USP4: variants seen among roughly 807,000 people sequenced by gnomAD.
The protein encoded by USP4 is ubiquitin carboxyl-terminal hydrolase 4.
In USP4, 72 loss-of-function variants were observed where a neutral mutation model predicts 118.2. The ratio of observed to expected loss-of-function variants is 0.61; its 90% confidence interval spans 0.50 to 0.74. USP4 has a LOEUF of 0.74. Among genes scored for constraint, USP4 ranks in the 30% least tolerant of loss-of-function variants. The pLI, the probability that USP4 is intolerant of heterozygous loss-of-function variation, is 0.00. For missense variants in USP4, 1,037 were observed against 1,185.7 expected (o/e 0.87, Z 1.84); for synonymous variants, 415 against 440.4 (o/e 0.94, Z 0.72).
At chr3:49,300,841 CTT>C (rs2047255910) in intron 10 of USP4, 150 bp from the exon 11 acceptor site, 8 of 678,204 alleles carry the variant, frequency 1.2e-5, no homozygotes, top group Non-Finnish European at 2.0e-5. Flanking sequence ...CAGGACTACT[CTT>C]AGTGTATCAT....
At chr3:49,294,788 C>T (rs1222120529) in intron 13 of USP4, among the ~76,000 whole-genome samples, 190 bp from the exon 14 acceptor site, 1 of 152,190 alleles carries the variant, frequency 6.6e-6, no homozygotes, top group African/African-American at 2.4e-5. Flanking sequence ...GGACCATTGT[C>T]AGCACAATGT....
At chr3:49,300,316 T>C (rs905588162) in intron 11 of USP4, 151 bp downstream of exon 11, 10 of 648,082 alleles carry the variant, frequency 1.5e-5, no homozygotes, top group Non-Finnish European at 2.5e-5. Context: ...TGATATGGGA[T>C]TAGACAAAGG....
At chr3:49,300,745 T>C in intron 10 of USP4, 54 bp from the exon 11 acceptor site, 1 of 1,541,660 alleles carries the variant, frequency 6.5e-7, no homozygotes, top group Non-Finnish European at 8.9e-7. Flanking sequence ...CCCTTGCCCC[T>C]GCATCCAGAA....
At chr3:49,291,777 A>T (rs1431273387) in intron 15 of USP4, among the ~76,000 whole-genome samples, 1 of 151,732 alleles carries the variant, frequency 6.6e-6, no homozygotes, top group Non-Finnish European at 1.5e-5. Flanking sequence ...TCAGGAGTTC[A>T]AGACCAGCCT....
chr3:49,320,913 T>C (rs1427377090), intron 6 of USP4, among the ~76,000 whole-genome samples: 2 of 152,118 alleles, frequency 1.3e-5, no homozygotes, highest in African/African-American at 4.8e-5. Context: ...AGAACCCCAG[T>C]TTTTAGCTGG....
intron 6 of USP4, among the ~76,000 whole-genome samples, chr3:49,320,513 C>T (rs149592817): frequency 1.3e-3 from 197 of 152,288 alleles, no homozygotes; most frequent in South Asian, 5.6e-3. Context: ...ATGATGCAAT[C>T]GTGGCTCACG....
chr3:49,293,482 AAACAACAAC>A (rs202046136), intron 14 of USP4: 2 of 152,082 alleles, frequency 1.3e-5, no homozygotes, highest in Non-Finnish European at 2.9e-5. Context: ...ACAAACAAAC[AAACAACAAC>A]AACAACAACA....
chr3:49,295,874 G>A (rs1228306458), intron 13 of USP4, among the ~76,000 whole-genome samples: 1 of 152,086 alleles, frequency 6.6e-6, no homozygotes, highest in Non-Finnish European at 1.5e-5. Context: ...AGGCCTTGGA[G>A]TGCACCTGCC....
chr3:49,285,237 T>C (rs1195443864), intron 16 of USP4, among the ~76,000 whole-genome samples: 1 of 151,070 alleles, frequency 6.6e-6, no homozygotes, highest in Non-Finnish European at 1.5e-5. Context: ...ACAAAAAAAC[T>C]GACAAAATGG....
At chr3:49,330,591 A>T (rs2047606370) in intron 2 of USP4, among the ~76,000 whole-genome samples, 1 of 151,368 alleles carries the variant, frequency 6.6e-6, no homozygotes, top group South Asian at 2.1e-4. Context: ...TTGGCCTCCC[A>T]AAGTGCTGGG....
intron 10 of USP4, among the ~76,000 whole-genome samples, chr3:49,301,687 C>CA (rs1163096897): frequency 1.3e-5 from 2 of 151,234 alleles, no homozygotes; most frequent in African/African-American, 2.4e-5. Context: ...GACTCCATCT[C>CA]AAAAAAAATA....
intron 2 of USP4, 45 bp downstream of exon 2, chr3:49,335,424 A>G: frequency 6.2e-7 from 1 of 1,613,698 alleles, no homozygotes; most frequent in Non-Finnish European, 8.5e-7. Flanking sequence ...ACATCAGGCC[A>G]CTGCCCAGGT....
intron 11 of USP4, among the ~76,000 whole-genome samples, chr3:49,299,432 G>T (rs1335081972): frequency 3.6e-5 from 5 of 137,008 alleles, no homozygotes; most frequent in African/African-American, 1.4e-4. Context: ...TCGCTCTGTC[G>T]CCCAGGCTGG....
At chr3:49,324,102 G>A (rs1280597473) in intron 6 of USP4, among the ~76,000 whole-genome samples, 1 of 152,152 alleles carries the variant, frequency 6.6e-6, no homozygotes, top group South Asian at 2.1e-4. Flanking sequence ...GGATTCAAGC[G>A]ACTCTTGAGC....
chr3:49,291,129 TAATTTTTTGTATTTTTAGC>T (rs1287988871), intron 15 of USP4, among the ~76,000 whole-genome samples: 1 of 151,772 alleles, frequency 6.6e-6, no homozygotes, highest in Non-Finnish European at 1.5e-5. Context: ...CCACCACGCC[TAATTTTTTGTATTTTTAGC>T]AGAGATGGGG....
chr3:49,301,419 G>A (rs1009309953), intron 10 of USP4, among the ~76,000 whole-genome samples: 9 of 152,142 alleles, frequency 5.9e-5, no homozygotes, highest in South Asian at 2.1e-4. Flanking sequence ...GGGGCACGGT[G>A]GCTGACGCCT....
At chr3:49,280,960 A>T in intron 19 of USP4, 113 bp from the exon 20 acceptor site, 2 of 766,566 alleles carry the variant, frequency 2.6e-6, no homozygotes, top group Non-Finnish European at 4.4e-6. Flanking sequence ...GAGGCACTCA[A>T]ACTATTCGAG....
chr3:49,315,448 G>A (rs1559475049), intron 6 of USP4, among the ~76,000 whole-genome samples: 1 of 152,184 alleles, frequency 6.6e-6, no homozygotes, highest in Non-Finnish European at 1.5e-5. Flanking sequence ...GCAGGGACTT[G>A]TCTCCAGACC....
rs757613703 is a variant in USP4 at position 49,278,447 on chromosome 3, T to G, written c.2738A>C (p.Lys913Thr). The change falls in exon 22 of 22, where the codon AAA becomes ACA. Residue 913 changes from lysine (K) to threonine (T), a missense_variant. Lys to Thr is a moderately conservative substitution (Grantham distance 78, BLOSUM62 -1). Around this residue, in one of 3 missense-constraint regions of USP4, gnomAD observed 522 missense variants for 592.6 expected, o/e 0.88. Transcript: ENST00000265560. Reference protein sequence around the residue: ...SLASEDQIVTKAAYVLFYQRR... With the variant: ...SLASEDQIVTTAAYVLFYQRR... Reference sequence around the variant, plus strand: ...TTGGTAAAATAGCACATAAGCTGCTTTAGTCTGAAATACAAGAGGGGGAAA... The same window carrying G: ...TTGGTAAAATAGCACATAAGCTGCTGTAGTCTGAAATACAAGAGGGGGAAA... 1.6e-5 allele frequency: 26 copies of G among 1,613,672 alleles called. No individual in the cohort carries two copies. Among genetic ancestry groups the G allele is most frequent in the Non-Finnish European group, 2.0e-5 (24 of 1,179,886 alleles).
Sources: allele counts gnomAD v4.1 joint callset (sites outside exome capture counted in the v4.1 genomes callset), GRCh38; gene constraint gnomAD v4.1.1; regional missense constraint gnomAD v4.1.1; transcripts MANE v1.5; gene names NCBI Gene and HGNC (gene_info 2026-07-23, HGNC 2026-07-21).